Variants in NCKAP5 observed in about 807,000 individuals in gnomAD.
NCKAP5 encodes NCK associated protein 5, also known as nck-associated protein 5.
A neutral mutation model predicts 167.0 loss-of-function variants in NCKAP5; 92 were observed. The ratio of observed to expected loss-of-function variants is 0.55; its 90% CI spans 0.47 to 0.66. The LOEUF (loss-of-function observed/expected upper bound fraction) is 0.66. Ranked by LOEUF, NCKAP5 falls within the 30% of genes least tolerant of loss-of-function variation. NCKAP5 has a pLI of 0.00. For missense variants in NCKAP5, 2,378 were observed against 2,315.0 expected (o/e 1.03, Z -0.56); for synonymous variants, 891 against 877.4 (o/e 1.02, Z -0.27).
At chr2:133,547,025 C>G (rs962200159) in intron 2 of NCKAP5, among the ~76,000 whole-genome samples, 9 of 152,080 alleles carry the variant, frequency 5.9e-5, no homozygotes, top group Non-Finnish European at 8.8e-5. Flanking sequence ...GTGCGCGCAC[C>G]GTGCGCGAGC....
chr2:133,420,903 C>A (rs528401870), intron 3 of NCKAP5, among the ~76,000 whole-genome samples: 1 of 152,304 alleles, frequency 6.6e-6, no homozygotes, highest in Non-Finnish European at 1.5e-5. Context: ...AGTCACGCAG[C>A]GTTTTCTCCT....
At chr2:133,351,596 G>A (rs1684366252) in intron 3 of NCKAP5, among the ~76,000 whole-genome samples, 2 of 152,156 alleles carry the variant, frequency 1.3e-5, no homozygotes, top group South Asian at 4.1e-4. Context: ...TGTCTAAGAT[G>A]ATTTCCTTGT....
At chr2:133,549,740 A>C (rs1687106792) in intron 2 of NCKAP5, among the ~76,000 whole-genome samples, 8 of 146,636 alleles carry the variant, frequency 5.5e-5, no homozygotes, top group South Asian at 2.2e-4. Context: ...AGAAATAACT[A>C]AAATCAGAGC....
intron 11 of NCKAP5, among the ~76,000 whole-genome samples, chr2:132,844,437 A>C (rs1384527462): frequency 1.4e-4 from 22 of 152,130 alleles, no homozygotes; most frequent in Admixed American, 1.3e-3. Flanking sequence ...AGTATGACAT[A>C]CATTTTTTCC....
intron 1 of NCKAP5, among the ~76,000 whole-genome samples, chr2:133,561,361 T>C (rs779531193): frequency 6.6e-6 from 1 of 152,208 alleles, no homozygotes; most frequent in African/African-American, 2.4e-5. Flanking sequence ...GATTCTATAA[T>C]TCAAGGCTCA....
chr2:133,295,197 C>G (rs1679877108), intron 4 of NCKAP5, among the ~76,000 whole-genome samples: 1 of 152,102 alleles, frequency 6.6e-6, no homozygotes, highest in African/African-American at 2.4e-5. Flanking sequence ...AGTCACCCAG[C>G]CCAGTACCAG....
At chr2:133,226,562 G>T (rs538049499) in intron 4 of NCKAP5, among the ~76,000 whole-genome samples, 40 of 150,280 alleles carry the variant, frequency 2.7e-4, no homozygotes, top group Non-Finnish European at 4.7e-4. Flanking sequence ...GTCCTAATCC[G>T]ACAGGAGTGG....
At chr2:133,202,743 A>T (rs538515668) in intron 5 of NCKAP5, among the ~76,000 whole-genome samples, 213 of 152,328 alleles carry the variant, frequency 1.4e-3, no homozygotes, top group African/African-American at 4.2e-3. Context: ...ATCAACAAAC[A>T]CTTCTCAAAA....
chr2:133,245,372 A>T (rs905504336), intron 4 of NCKAP5, among the ~76,000 whole-genome samples: 1 of 152,236 alleles, frequency 6.6e-6, no homozygotes. Flanking sequence ...ACAGCGAGAA[A>T]AAAACAAACC....
At chr2:133,473,267 G>A (rs1437167941) in intron 3 of NCKAP5, among the ~76,000 whole-genome samples, 1 of 152,158 alleles carries the variant, frequency 6.6e-6, no homozygotes, top group Non-Finnish European at 1.5e-5. Flanking sequence ...GGGAGTCAGA[G>A]GTTGCAGTGA....
chr2:133,363,863 C>A (rs1020435175), intron 3 of NCKAP5, among the ~76,000 whole-genome samples: 5 of 152,092 alleles, frequency 3.3e-5, no homozygotes, highest in African/African-American at 1.2e-4. Context: ...CATGTATTAC[C>A]TTGTTTAACT....
chr2:132,702,944 T>A (rs1688016340), intron 19 of NCKAP5, among the ~76,000 whole-genome samples: 1 of 152,204 alleles, frequency 6.6e-6, no homozygotes, highest in Non-Finnish European at 1.5e-5. Flanking sequence ...TTTGGTAGGC[T>A]GATGCAGAAG....
At chr2:133,630,633 T>C in the NCKAP5 span, among the ~76,000 whole-genome samples, 1 of 152,102 alleles carries the variant, frequency 6.6e-6, no homozygotes, top group Non-Finnish European at 1.5e-5. Flanking sequence ...GGTCTTTCCC[T>C]CTCCTGCTGT....
At chr2:133,133,596 T>G (rs1352172152) in intron 5 of NCKAP5, among the ~76,000 whole-genome samples, 1 of 152,204 alleles carries the variant, frequency 6.6e-6, no homozygotes, top group Non-Finnish European at 1.5e-5. Flanking sequence ...AGTAAAAAGG[T>G]AGGTTTCCCT....
At chr2:133,303,910 C>T (rs1326738383) in intron 3 of NCKAP5, among the ~76,000 whole-genome samples, 1 of 152,152 alleles carries the variant, frequency 6.6e-6, no homozygotes, top group Non-Finnish European at 1.5e-5. Flanking sequence ...GGAGCAAATA[C>T]AACCTATACA....
At position 133,226,083 on chromosome 2, in the gene NCKAP5, G is replaced by A. The variant is rs1018612282; in HGVS notation, c.144-12304C>T. 1.0e-4 allele frequency among the ~76,000 whole-genome samples: 15 copies of A among 148,632 alleles called. 1 individual carries two copies. The highest frequency in any genetic ancestry group is 7.5e-4 in the Admixed American group (11 of 14,700). On this transcript the variant is annotated intron_variant, in intron 4 of 19. Transcript: ENST00000409261. ...TGTTGAGATTACAGCCGTGAGCCACGGTGCCTGGCTGCCACACTCAATTTT... is the reference window on the plus strand; with the variant it reads ...TGTTGAGATTACAGCCGTGAGCCACAGTGCCTGGCTGCCACACTCAATTTT...
At chr2:133,315,523 G>T (rs1027939321) in intron 3 of NCKAP5, among the ~76,000 whole-genome samples, 1 of 151,922 alleles carries the variant, frequency 6.6e-6, no homozygotes, top group African/African-American at 2.4e-5. Flanking sequence ...AAGAATTTTG[G>T]ATTCCAGTGT....
chr2:133,448,250 GAAA>G (rs58596848), intron 3 of NCKAP5, among the ~76,000 whole-genome samples: 6 of 140,964 alleles, frequency 4.3e-5, no homozygotes, highest in African/African-American at 1.5e-4. Flanking sequence ...ATTGTTCTGG[GAAA>G]AAAAAAAAAA....
Position 132,766,822 on chromosome 2 carries a change from C to T in NCKAP5, c.5128+6994G>A, listed in dbSNP as rs573835981. The stretch of plus-strand genomic sequence containing the variant: ...AGAAGCTGCTCTATTTGCTGACTTT[C>T]ATTTGACTGTGGTGTAGAGATTCCT... On this transcript the variant is annotated intron_variant, in intron 16 of 19. Transcript: ENST00000409261. 2.6e-5 allele frequency among the ~76,000 whole-genome samples: 4 copies of T among 152,358 alleles called. No homozygotes were observed. The South Asian group carries it at 8.3e-4, about 32-fold the overall frequency.
Sources: gnomAD v4.1 joint callset for allele counts (sites outside exome capture counted in the v4.1 genomes callset) on GRCh38, gnomAD v4.1.1 for gene constraint, MANE v1.5 for transcripts, NCBI Gene and HGNC (gene_info 2026-07-23, HGNC 2026-07-21) for gene names.